Variants in MARCHF1 observed in about 807,000 individuals in gnomAD.
MARCHF1 encodes the protein E3 ubiquitin-protein ligase MARCHF1.
Under a neutral mutation model 54.2 loss-of-function variants are expected in MARCHF1, and 40 were observed. That is an observed-to-expected ratio of 0.74 (90% confidence interval 0.57 to 0.96). The LOEUF is 0.96. MARCHF1 is among the 40% of genes least tolerant of loss of function. MARCHF1 has a pLI of 0.00. For missense variants in MARCHF1, 586 were observed against 656.5 expected (o/e 0.89, Z 1.17); for synonymous variants, 236 against 236.3 (o/e 1.00, Z 0.01).
intron 3 of MARCHF1, among the ~76,000 whole-genome samples, chr4:163,881,343 T>C (rs1298243318): frequency 1.3e-5 from 2 of 152,022 alleles, no homozygotes; most frequent in African/African-American, 4.8e-5. Flanking sequence ...TGGTGGCAGG[T>C]GCCTGTAATC....
chr4:164,274,967 C>T (rs1426575962), intron 1 of MARCHF1, among the ~76,000 whole-genome samples: 1 of 151,416 alleles, frequency 6.6e-6, no homozygotes, highest in South Asian at 2.1e-4. Context: ...TAAGCCACCA[C>T]GCCCGGCCAG....
intron 1 of MARCHF1, among the ~76,000 whole-genome samples, chr4:164,127,186 G>A (rs1045325089): frequency 2.0e-5 from 3 of 152,174 alleles, no homozygotes; most frequent in Non-Finnish European, 4.4e-5. Flanking sequence ...TTTGTGGAAG[G>A]TAGAACTTGT....
At chr4:163,529,506 A>C (rs1738272234) in intron 9 of MARCHF1, among the ~76,000 whole-genome samples, 1 of 151,984 alleles carries the variant, frequency 6.6e-6, no homozygotes, top group African/African-American at 2.4e-5. Flanking sequence ...CATTTATTTT[A>C]AAATGTAAAA....
At chr4:164,308,309 A>G (rs529358277) in intron 1 of MARCHF1, among the ~76,000 whole-genome samples, 1 of 152,342 alleles carries the variant, frequency 6.6e-6, no homozygotes, top group South Asian at 2.1e-4. Context: ...CTTATATTGA[A>G]CTAAAAACAA....
intron 3 of MARCHF1, among the ~76,000 whole-genome samples, chr4:163,857,218 T>C (rs1180112102): frequency 6.6e-6 from 1 of 151,884 alleles, no homozygotes; most frequent in Non-Finnish European, 1.5e-5. Flanking sequence ...ACACTTAAAG[T>C]TTGGATCACA....
intron 1 of MARCHF1, among the ~76,000 whole-genome samples, chr4:164,155,345 G>A (rs1048608751): frequency 6.9e-6 from 1 of 144,768 alleles, no homozygotes; most frequent in Non-Finnish European, 1.5e-5. Context: ...AAAAAAAAAA[G>A]AAATGCATTT....
intron 3 of MARCHF1, among the ~76,000 whole-genome samples, chr4:163,975,229 C>A (rs948247129): frequency 1.3e-5 from 2 of 151,538 alleles, no homozygotes; most frequent in Admixed American, 1.3e-4. Context: ...CACACACACA[C>A]TTCCTATTGT....
chr4:164,030,232 TA>T (rs1260566884), intron 2 of MARCHF1, among the ~76,000 whole-genome samples: 1 of 151,956 alleles, frequency 6.6e-6, no homozygotes, highest in African/African-American at 2.4e-5. Context: ...AAACAGAGTT[TA>T]AAAAAATCAA....
intron 1 of MARCHF1, among the ~76,000 whole-genome samples, chr4:164,363,685 C>T (rs1421671081): frequency 2.6e-5 from 4 of 152,162 alleles, no homozygotes; most frequent in African/African-American, 9.6e-5. Flanking sequence ...CCTTCTGAAC[C>T]AGCAAATCTG....
intron 3 of MARCHF1, among the ~76,000 whole-genome samples, chr4:163,887,650 T>C (rs1344685397): frequency 6.6e-6 from 1 of 152,186 alleles, no homozygotes; most frequent in Non-Finnish European, 1.5e-5. Context: ...TACAAGAGGC[T>C]GGAGAGTTGT....
Position 163,528,963 on chromosome 4 carries a change from A to C in MARCHF1, c.1423T>G (p.Cys475Gly), listed in dbSNP as rs1336395627. ...CGCCACAACTGAACATAGACTTTAC[A>C]CTGTACGTACATGAAGACAAGACCT... The part of the protein sequence containing the change: ...TGGLVFMYVQ[C>G]KVYVQLWRRL... Residue 475 changes from cysteine (C) to glycine (G), a missense_variant, in exon 10 of 10, where the codon TGT becomes GGT. By Grantham distance (159) the Cys-to-Gly change is radical. Coordinates refer to ENST00000514618, the MANE Select transcript of MARCHF1 (RefSeq NM_001394959.1). 1.2e-6 allele frequency: 2 copies of C among 1,613,212 alleles called. No individual in the cohort carries two copies. Among genetic ancestry groups the C allele is most frequent in the East Asian group, 4.5e-5 (2 of 44,860 alleles).
chr4:164,131,101 T>C (rs1371916281), intron 1 of MARCHF1, among the ~76,000 whole-genome samples: 3 of 152,110 alleles, frequency 2.0e-5, no homozygotes, highest in African/African-American at 7.2e-5. Flanking sequence ...ATATATCCTA[T>C]CATAGAAATT....
intron 5 of MARCHF1, among the ~76,000 whole-genome samples, chr4:163,688,047 T>C (rs1252777957): frequency 6.6e-6 from 1 of 152,154 alleles, no homozygotes; most frequent in African/African-American, 2.4e-5. Context: ...GCTATGCACA[T>C]TAATTATATT....
At chr4:163,751,805 C>CGTGTGT (rs72029488) in intron 4 of MARCHF1, among the ~76,000 whole-genome samples, 2,272 of 124,486 alleles carry the variant, frequency 0.018, 55 homozygotes, top group African/African-American at 0.055. Flanking sequence ...CACATGTGCA[C>CGTGTGT]GTGTGTGTGT....
intron 4 of MARCHF1, among the ~76,000 whole-genome samples, chr4:163,731,686 T>A (rs573212532): frequency 6.6e-6 from 1 of 152,152 alleles, no homozygotes; most frequent in Non-Finnish European, 1.5e-5. Context: ...TCATCACATA[T>A]ATGTGAAGAA....
intron 2 of MARCHF1, among the ~76,000 whole-genome samples, chr4:164,086,078 T>G (rs976140801): frequency 6.6e-6 from 1 of 151,884 alleles, no homozygotes; most frequent in Non-Finnish European, 1.5e-5. Context: ...AAATAATGTT[T>G]TGTTGGCTGA....
intron 1 of MARCHF1, among the ~76,000 whole-genome samples, chr4:164,348,845 T>C (rs754883796): frequency 5.9e-5 from 9 of 152,136 alleles, no homozygotes; most frequent in Non-Finnish European, 1.0e-4. Flanking sequence ...ACTACTATAT[T>C]GCTTGCACTC....
intron 3 of MARCHF1, among the ~76,000 whole-genome samples, chr4:163,958,093 T>C (rs1049379426): frequency 6.6e-6 from 1 of 152,052 alleles, no homozygotes; most frequent in South Asian, 2.1e-4. Flanking sequence ...CAGCCATTCT[T>C]GCTAGAACAT....
intron 1 of MARCHF1, among the ~76,000 whole-genome samples, chr4:164,171,793 T>C (rs1730532403): frequency 6.6e-6 from 1 of 152,222 alleles, no homozygotes; most frequent in African/African-American, 2.4e-5. Context: ...TTCAGCCTTT[T>C]AAACTTTGGT....
Sources: gnomAD v4.1 joint callset for allele counts (sites outside exome capture counted in the v4.1 genomes callset) on GRCh38, gnomAD v4.1.1 for gene constraint, MANE v1.5 for transcripts, NCBI Gene and HGNC (gene_info 2026-07-23, HGNC 2026-07-21) for gene names.